GABRG3: variants seen among roughly 807,000 people sequenced by gnomAD.
The protein encoded by GABRG3 is gamma-aminobutyric acid type A receptor subunit gamma3, also known as gamma-aminobutyric acid receptor subunit gamma-3.
In GABRG3, 25 loss-of-function variants were observed where a neutral mutation model predicts 48.8. The observed-to-expected ratio is 0.51, with a 90% CI of 0.37 to 0.72. GABRG3 has a LOEUF of 0.72. Among genes scored for constraint, GABRG3 ranks in the 30% least tolerant of loss-of-function variants. The pLI, the probability that GABRG3 is intolerant of heterozygous loss-of-function variation, is 0.00. For missense variants in GABRG3, 394 were observed against 577.9 expected (o/e 0.68, Z 3.26); for synonymous variants, 227 against 217.6 (o/e 1.04, Z -0.38).
At position 27,249,148 on chromosome 15, in the gene GABRG3, G is replaced by A. The variant is rs147983939; in HGVS notation, c.271-77661G>A. On this transcript the variant is annotated intron_variant, in intron 3 of 9. Coordinates refer to ENST00000615808, the MANE Select transcript of GABRG3 (RefSeq NM_033223.5). ...GTGACTGGACTCAGGTGATGCGGCT[G>A]CGGGAGGTGGTGAGCGATGCTGGAA... 9.8e-5 allele frequency among the ~76,000 whole-genome samples: 15 copies of A among 152,332 alleles called. No homozygotes were observed. The East Asian group carries it at 2.7e-3, about 27-fold the overall frequency.
At chr15:27,357,081 A>G (rs1031160280) in intron 5 of GABRG3, among the ~76,000 whole-genome samples, 6 of 152,198 alleles carry the variant, frequency 3.9e-5, no homozygotes, top group Admixed American at 3.9e-4. Flanking sequence ...TTAGACTTCT[A>G]AAAGGGGACT....
chr15:27,079,266 G>A (rs1595510396), intron 3 of GABRG3, among the ~76,000 whole-genome samples: 1 of 152,100 alleles, frequency 6.6e-6, no homozygotes, highest in African/African-American at 2.4e-5. Flanking sequence ...GCCTGCATAT[G>A]TAAAGAGTAG....
intron 5 of GABRG3, among the ~76,000 whole-genome samples, chr15:27,341,705 C>T (rs150699643): frequency 7.4e-4 from 113 of 152,206 alleles, no homozygotes; most frequent in Non-Finnish European, 1.1e-3. Context: ...ATATATCACG[C>T]GCCAGAAAGG....
chr15:27,321,103 C>T (rs28500758), intron 3 of GABRG3, among the ~76,000 whole-genome samples: 2 of 152,218 alleles, frequency 1.3e-5, no homozygotes, highest in Admixed American at 1.3e-4. Context: ...CAACTTCAGC[C>T]TGGTGGTCTG....
At chr15:26,972,555 C>T (rs528021898) in intron 1 of GABRG3, among the ~76,000 whole-genome samples, 1 of 152,244 alleles carries the variant, frequency 6.6e-6, no homozygotes, top group East Asian at 1.9e-4. Flanking sequence ...CTCAGCGTGC[C>T]CCTATCCCCC....
At chr15:27,416,808 G>A (rs892122103) in intron 5 of GABRG3, among the ~76,000 whole-genome samples, 12 of 152,170 alleles carry the variant, frequency 7.9e-5, no homozygotes, top group African/African-American at 2.9e-4. Context: ...GTTTTGCCCT[G>A]TGACCTCACT....
At chr15:27,127,443 G>A (rs1389666090) in intron 3 of GABRG3, among the ~76,000 whole-genome samples, 2 of 125,542 alleles carry the variant, frequency 1.6e-5, no homozygotes, top group Non-Finnish European at 3.3e-5. Context: ...CAGGTACTGA[G>A]GGGTGGGGGG....
intron 5 of GABRG3, among the ~76,000 whole-genome samples, chr15:27,397,867 C>A (rs546695527): frequency 1.4e-5 from 2 of 146,826 alleles, no homozygotes; most frequent in African/African-American, 5.1e-5. Flanking sequence ...TGCAGTGGTG[C>A]GATCTCGGCT....
At chr15:27,380,892 A>C (rs928140955) in intron 5 of GABRG3, among the ~76,000 whole-genome samples, 2 of 151,160 alleles carry the variant, frequency 1.3e-5, no homozygotes, top group Admixed American at 1.3e-4. Context: ...CAGCCTCCCG[A>C]GTAGCTGGGA....
intron 6 of GABRG3, among the ~76,000 whole-genome samples, chr15:27,490,872 C>T (rs908155411): frequency 1.2e-4 from 18 of 152,240 alleles, no homozygotes; most frequent in Admixed American, 3.9e-4. Context: ...CCACGTGTGG[C>T]CCTTGTCCTG....
chr15:27,132,471 GTTTTTTT>G (rs59023766), intron 3 of GABRG3, among the ~76,000 whole-genome samples: 5 of 39,594 alleles, frequency 1.3e-4, no homozygotes, highest in African/African-American at 3.5e-4. Context: ...AGTAGTTACA[GTTTTTTT>G]TTTTTTTTTT....
chr15:27,424,711 A>C (rs2140616181), intron 5 of GABRG3, among the ~76,000 whole-genome samples: 1 of 151,596 alleles, frequency 6.6e-6, no homozygotes, highest in East Asian at 2.0e-4. Flanking sequence ...CTGCCACCAC[A>C]CCTGGCTAAT....
At chr15:27,272,643 A>G (rs1338008085) in intron 3 of GABRG3, among the ~76,000 whole-genome samples, 2 of 152,186 alleles carry the variant, frequency 1.3e-5, no homozygotes, top group African/African-American at 2.4e-5. Context: ...TACAGCCCAC[A>G]GTGCACCATT....
intron 3 of GABRG3, among the ~76,000 whole-genome samples, chr15:27,239,115 A>G (rs1890062878): frequency 6.6e-6 from 1 of 152,234 alleles, no homozygotes; most frequent in Non-Finnish European, 1.5e-5. Context: ...GAAAAAAATG[A>G]GGAAGATTAC....
chr15:27,144,372 A>G (rs925710868), intron 3 of GABRG3, among the ~76,000 whole-genome samples: 40 of 152,224 alleles, frequency 2.6e-4, no homozygotes, highest in African/African-American at 8.7e-4. Context: ...CTAAAGCAAC[A>G]TTCTTAGAGT....
At chr15:27,515,140 G>T (rs1347741371) in intron 6 of GABRG3, among the ~76,000 whole-genome samples, 2 of 151,938 alleles carry the variant, frequency 1.3e-5, no homozygotes, top group Non-Finnish European at 2.9e-5. Context: ...CTGGAATGCA[G>T]TGGCATTCCG....
chr15:27,308,805 TA>T (rs1352746300), intron 3 of GABRG3, among the ~76,000 whole-genome samples: 1 of 150,044 alleles, frequency 6.7e-6, no homozygotes, highest in Non-Finnish European at 1.5e-5. Context: ...TACGTTTATA[TA>T]AAAACACATA....
chr15:27,342,715 G>C (rs1283081036), intron 5 of GABRG3, among the ~76,000 whole-genome samples: 1 of 152,206 alleles, frequency 6.6e-6, no homozygotes, highest in Non-Finnish European at 1.5e-5. Context: ...GGATTTCTTG[G>C]AGCTCCTTTC....
At chr15:27,436,568 A>G (rs1036168039) in intron 5 of GABRG3, among the ~76,000 whole-genome samples, 18 of 152,250 alleles carry the variant, frequency 1.2e-4, no homozygotes, top group Admixed American at 1.3e-4. Flanking sequence ...TAACATGGTA[A>G]CATGATTACT....
Sources: gnomAD v4.1 joint callset for allele counts (sites outside exome capture counted in the v4.1 genomes callset) on GRCh38, gnomAD v4.1.1 for gene constraint, MANE v1.5 for transcripts, NCBI Gene and HGNC (gene_info 2026-07-23, HGNC 2026-07-21) for gene names.